DPP6: variants seen among roughly 807,000 people sequenced by gnomAD.
The protein encoded by DPP6 is dipeptidyl peptidase like 6.
Under a neutral mutation model 122.6 loss-of-function variants are expected in DPP6, and 69 were observed. The ratio of observed to expected loss-of-function variants is 0.56; its 90% confidence interval spans 0.46 to 0.69. The LOEUF is 0.69. DPP6 is among the 30% of genes least tolerant of loss of function. The pLI is 0.00. For missense variants in DPP6, 928 were observed against 1,116.9 expected, an observed-to-expected ratio of 0.83 and a Z score of 2.41; for synonymous variants, 418 against 433.1, an observed-to-expected ratio of 0.97 and a Z score of 0.43.
chr7:154,180,847 T>C (rs906799122), intron 1 of DPP6, among the ~76,000 whole-genome samples: 1 of 152,210 alleles, frequency 6.6e-6, no homozygotes, highest in Non-Finnish European at 1.5e-5. Context: ...AAATCCATCA[T>C]GCCTACCTTT....
At chr7:154,228,105 TG>T (rs937056223) in intron 1 of DPP6, among the ~76,000 whole-genome samples, 5 of 152,232 alleles carry the variant, frequency 3.3e-5, no homozygotes, top group African/African-American at 1.2e-4. Context: ...AATAATCAAA[TG>T]GGATCCTGAG....
the DPP6 span, among the ~76,000 whole-genome samples, chr7:153,765,578 G>A: frequency 4.0e-5 from 6 of 151,700 alleles, no homozygotes; most frequent in East Asian, 7.7e-4. Flanking sequence ...AAAACACCTA[G>A]GTAGTTGATG....
intron 1 of DPP6, among the ~76,000 whole-genome samples, chr7:154,311,322 A>G (rs1250940399): frequency 6.6e-6 from 1 of 151,994 alleles, no homozygotes; most frequent in African/African-American, 2.4e-5. Flanking sequence ...GCGAAGCCCC[A>G]TGTCTAGAAA....
chr7:153,976,921 C>G (rs553868912), intron 1 of DPP6, among the ~76,000 whole-genome samples: 3 of 152,158 alleles, frequency 2.0e-5, no homozygotes, highest in Non-Finnish European at 4.4e-5. Context: ...CCTTGCCACG[C>G]GGCTCTGTGG....
At chr7:153,988,528 C>T (rs1796960590) in intron 1 of DPP6, among the ~76,000 whole-genome samples, 1 of 152,150 alleles carries the variant, frequency 6.6e-6, no homozygotes, top group Admixed American at 6.5e-5. Flanking sequence ...CAAGTTCTGG[C>T]CTCACCCACC....
chr7:154,674,402 G>T (rs993766154), intron 7 of DPP6, among the ~76,000 whole-genome samples: 1 of 152,182 alleles, frequency 6.6e-6, no homozygotes, highest in Non-Finnish European at 1.5e-5. Context: ...CATGCACTTG[G>T]AGTTGAAGCT....
chr7:154,230,329 A>T (rs1361740571), intron 1 of DPP6, among the ~76,000 whole-genome samples: 1 of 152,234 alleles, frequency 6.6e-6, no homozygotes, highest in East Asian at 1.9e-4. Flanking sequence ...CTCAGTTCTT[A>T]AAAAGAAGAG....
chr7:154,740,645 G>A (rs149587916), intron 8 of DPP6, among the ~76,000 whole-genome samples: 44 of 152,268 alleles, frequency 2.9e-4, no homozygotes, highest in Non-Finnish European at 5.4e-4. Context: ...TGAAGTCTGT[G>A]TCCATGCCAG....
intron 1 of DPP6, among the ~76,000 whole-genome samples, chr7:154,324,867 A>AT (rs143944650): frequency 0.044 from 4,975 of 112,954 alleles, 340 homozygotes; most frequent in African/African-American, 0.1. Flanking sequence ...TCCTTTTGTT[A>AT]TTTTTTTTTT....
At chr7:154,173,447 C>T (rs1011240131) in intron 1 of DPP6, among the ~76,000 whole-genome samples, 15 of 152,146 alleles carry the variant, frequency 9.9e-5, no homozygotes, top group Non-Finnish European at 2.1e-4. Context: ...AAGGCAGCCC[C>T]GGATTTTTAT....
chr7:154,336,597 A>G (rs1470909297), intron 1 of DPP6, among the ~76,000 whole-genome samples: 1 of 152,106 alleles, frequency 6.6e-6, no homozygotes, highest in Admixed American at 6.5e-5. Context: ...TATGATTCAA[A>G]GTAGAGTTTG....
At chr7:153,965,140 T>C (rs981468541) in intron 1 of DPP6, among the ~76,000 whole-genome samples, 4 of 151,780 alleles carry the variant, frequency 2.6e-5, no homozygotes, top group African/African-American at 9.7e-5. Flanking sequence ...TCAGCCAGAG[T>C]TTCCTTGGTG....
rs116965737 is a variant in DPP6 at position 154,191,144 on chromosome 7, C to A, written c.243+138081C>A. Reference sequence around the variant, plus strand: ...ATTTGCGAGGTTGAGATCCTATGCTCTGACTGCTGATGCCATTTTCTGCAA... The same window carrying A: ...ATTTGCGAGGTTGAGATCCTATGCTATGACTGCTGATGCCATTTTCTGCAA... On this transcript the variant is annotated intron_variant, in intron 1 of 25. Coordinates refer to ENST00000377770, the MANE Select transcript of DPP6 (RefSeq NM_130797.4). Among the ~76,000 whole-genome samples, 1,126 of 152,302 alleles carry A rather than the reference C, an allele frequency of 7.4e-3. 7 individuals are homozygous for A. Among genetic ancestry groups the A allele is most frequent in the Non-Finnish European group, 0.012 (838 of 68,020 alleles).
At chr7:154,058,908 C>T (rs1172301454) in intron 1 of DPP6, 1 of 150,462 alleles carries the variant, frequency 6.6e-6, no homozygotes, top group East Asian at 2.0e-4. Context: ...GAGAGCTATC[C>T]CCTCTTCCGC....
chr7:154,678,791 A>C (rs10237743), intron 7 of DPP6, among the ~76,000 whole-genome samples: 16,211 of 152,230 alleles, frequency 0.11, 940 homozygotes, highest in East Asian at 0.15. Context: ...TGCAGCACTT[A>C]CTAGTTGCGT....
At chr7:154,416,679 C>T (rs1207041086) in intron 1 of DPP6, among the ~76,000 whole-genome samples, 1 of 43,544 alleles carries the variant, frequency 2.3e-5, no homozygotes, top group East Asian at 6.0e-4. Context: ...TCTCCCCCAC[C>T]AAGGATCAGG....
intron 7 of DPP6, among the ~76,000 whole-genome samples, chr7:154,715,339 G>T (rs922714152): frequency 6.6e-6 from 1 of 152,178 alleles, no homozygotes; most frequent in Admixed American, 6.5e-5. Context: ...AAAGTGCTGG[G>T]ATTACAGGCA....
chr7:154,583,936 G>A (rs1832259241), intron 5 of DPP6, among the ~76,000 whole-genome samples: 1 of 152,170 alleles, frequency 6.6e-6, no homozygotes, highest in Non-Finnish European at 1.5e-5. Flanking sequence ...CCAGGACCCT[G>A]GCTAGAGACC....
At chr7:154,476,122 TTAGG>T in intron 3 of DPP6, among the ~76,000 whole-genome samples, 3 of 152,248 alleles carry the variant, frequency 2.0e-5, no homozygotes, top group African/African-American at 7.2e-5. Flanking sequence ...AGTCTCCTGC[TTAGG>T]GGCAATCACT....
Sources: gnomAD v4.1 joint callset for allele counts (sites outside exome capture counted in the v4.1 genomes callset) on GRCh38, gnomAD v4.1.1 for gene constraint, MANE v1.5 for transcripts, NCBI Gene and HGNC (gene_info 2026-07-23, HGNC 2026-07-21) for gene names.